Variants in SAMD12 observed in about 807,000 individuals in gnomAD.
The protein encoded by SAMD12 is sterile alpha motif domain containing 12, also known as sterile alpha motif domain-containing protein 12.
In SAMD12, 9 loss-of-function variants were observed where a neutral mutation model predicts 15.0. That is an observed-to-expected ratio of 0.60 (90% CI 0.36 to 1.05). The LOEUF is 1.05. Among genes scored for constraint, SAMD12 ranks in the 50% least tolerant of loss-of-function variants. The pLI is 0.01. For missense variants in SAMD12, 230 were observed against 234.2 expected (o/e 0.98, Z 0.12); for synonymous variants, 86 against 90.1 (o/e 0.96, Z 0.25).
intron 4 of SAMD12, among the ~76,000 whole-genome samples, chr8:118,209,675 AT>A (rs1185329353): frequency 6.6e-6 from 1 of 152,184 alleles, no homozygotes; most frequent in African/African-American, 2.4e-5. Flanking sequence ...GTTTAATGAG[AT>A]TTTAGGTAAT....
At chr8:118,392,480 T>G (rs534908433) in intron 3 of SAMD12, among the ~76,000 whole-genome samples, 23 of 152,240 alleles carry the variant, frequency 1.5e-4, no homozygotes, top group African/African-American at 5.3e-4. Context: ...TGTCACTGTC[T>G]TCAGGAAGCA....
chr8:118,299,451 G>A (rs533458119), intron 4 of SAMD12, among the ~76,000 whole-genome samples: 1 of 152,300 alleles, frequency 6.6e-6, no homozygotes, highest in Admixed American at 6.5e-5. Context: ...TACACGTCCA[G>A]TGGTTTTACT....
chr8:118,517,881 T>C (rs142887777), intron 2 of SAMD12, among the ~76,000 whole-genome samples: 2 of 152,258 alleles, frequency 1.3e-5, no homozygotes, highest in Non-Finnish European at 2.9e-5. Context: ...GATTCACACA[T>C]GTAACTGGAA....
intron 3 of SAMD12, among the ~76,000 whole-genome samples, chr8:118,405,590 C>T (rs2130798638): frequency 6.6e-6 from 1 of 151,784 alleles, no homozygotes; most frequent in East Asian, 1.9e-4. Context: ...GTAAGGTTTA[C>T]ATAAGTGTAT....
intron 4 of SAMD12, among the ~76,000 whole-genome samples, chr8:118,216,313 T>A: frequency 6.6e-6 from 1 of 151,910 alleles, no homozygotes; most frequent in Admixed American, 6.6e-5. Flanking sequence ...GATGGGGTTG[T>A]TTTTTTCTTG....
chr8:118,489,115 T>C (rs1824365462), intron 2 of SAMD12, among the ~76,000 whole-genome samples: 1 of 152,170 alleles, frequency 6.6e-6, no homozygotes, highest in South Asian at 2.1e-4. Flanking sequence ...AATGATTATG[T>C]GTTTATTGGC....
At chr8:118,613,093 A>G (rs961345716) in intron 1 of SAMD12, among the ~76,000 whole-genome samples, 1 of 152,240 alleles carries the variant, frequency 6.6e-6, no homozygotes, top group African/African-American at 2.4e-5. Flanking sequence ...AAACTTTACA[A>G]GTTGTTCAAA....
chr8:118,312,871 G>A (rs1815698897), intron 4 of SAMD12, among the ~76,000 whole-genome samples: 1 of 152,148 alleles, frequency 6.6e-6, no homozygotes, highest in Admixed American at 6.5e-5. Context: ...ACTCATAGAT[G>A]ACACAGAGAC....
chr8:118,132,976 A>G, the SAMD12 span, among the ~76,000 whole-genome samples: 1,616 of 9,962 alleles, frequency 0.16, 66 homozygotes, highest in African/African-American at 0.34. Flanking sequence ...GTGTGTGTAT[A>G]TATATATATA....
At chr8:118,230,004 T>TA (rs1056963886) in intron 4 of SAMD12, among the ~76,000 whole-genome samples, 2 of 151,714 alleles carry the variant, frequency 1.3e-5, no homozygotes, top group East Asian at 3.9e-4. Flanking sequence ...GGAAAAGGAT[T>TA]AAAAAAAAGA....
In SAMD12 at chr8:118,379,243, T is replaced by A. The variant is rs937903180; in HGVS notation, c.*174A>T. The stretch of plus-strand genomic sequence containing the variant: ...CATTATACAACTCTAGTGAGTGCAA[T>A]CGTACCCTGATTGATGTGACTGGTA... On this transcript the variant is annotated 3_prime_UTR_variant, in exon 4 of 4. Transcript: ENST00000314727. 3 of 1,428,930 alleles carry A rather than the reference T, an allele frequency of 2.1e-6. No individual in the cohort carries two copies. The African/African-American group carries it at 4.3e-5, about 21-fold the overall frequency. 88.5% of individuals were successfully genotyped at this position (1,428,930 alleles called of 1,614,324 possible).
intron 2 of SAMD12, among the ~76,000 whole-genome samples, chr8:118,465,695 T>A (rs567741123): frequency 7.4e-4 from 113 of 152,260 alleles, no homozygotes; most frequent in South Asian, 4.8e-3. Context: ...AGTTTTTTTT[T>A]AAATTATGGC....
chr8:118,209,583 T>C (rs866002791), intron 4 of SAMD12, among the ~76,000 whole-genome samples: 72 of 152,316 alleles, frequency 4.7e-4, no homozygotes, highest in African/African-American at 1.7e-3. Context: ...GGGACCCTTG[T>C]GATTAATTGC....
At chr8:118,359,872 T>A (rs1315714791) in intron 4 of SAMD12, among the ~76,000 whole-genome samples, 3 of 152,218 alleles carry the variant, frequency 2.0e-5, no homozygotes, top group Non-Finnish European at 2.9e-5. Flanking sequence ...TCCTGGGGTG[T>A]GGACCAATTC....
At chr8:118,619,460 C>T (rs1296779886) in intron 1 of SAMD12, among the ~76,000 whole-genome samples, 1 of 121,168 alleles carries the variant, frequency 8.3e-6, no homozygotes, top group African/African-American at 3.3e-5. Context: ...GCCTGGGCGA[C>T]AGAGCAAGAC....
At chr8:118,443,265 AC>A (rs1822809936) in intron 2 of SAMD12, among the ~76,000 whole-genome samples, 1 of 152,160 alleles carries the variant, frequency 6.6e-6, no homozygotes, top group Non-Finnish European at 1.5e-5. Flanking sequence ...GGAGTTCAAG[AC>A]CAGCCTGGCC....
chr8:118,521,222 C>G (rs1401177464), intron 2 of SAMD12, among the ~76,000 whole-genome samples: 2 of 152,154 alleles, frequency 1.3e-5, no homozygotes, highest in African/African-American at 2.4e-5. Flanking sequence ...CATCATCCAG[C>G]TGTTATCTCT....
chr8:118,173,494 C>A, the SAMD12 span, among the ~76,000 whole-genome samples: 1,636 of 151,488 alleles, frequency 0.011, 28 homozygotes, highest in African/African-American at 0.037. Context: ...CAAGCAGCCT[C>A]TGTTTTCTTT....
At chr8:118,213,419 G>C (rs1254023883) in intron 4 of SAMD12, among the ~76,000 whole-genome samples, 1 of 152,194 alleles carries the variant, frequency 6.6e-6, no homozygotes, top group East Asian at 1.9e-4. Flanking sequence ...GGGCAACTGA[G>C]GTTATTCCAA....
Sources: gnomAD v4.1 joint callset for allele counts (sites outside exome capture counted in the v4.1 genomes callset) on GRCh38, gnomAD v4.1.1 for gene constraint, MANE v1.5 for transcripts, NCBI Gene and HGNC (gene_info 2026-07-23, HGNC 2026-07-21) for gene names.